Variants in GRID1 observed in about 807,000 individuals in gnomAD.
GRID1 encodes the protein glutamate ionotropic receptor delta type subunit 1.
GRID1 carries 28 observed loss-of-function variants against 98.0 expected under a neutral mutation model. The ratio of observed to expected loss-of-function variants is 0.29; its 90% CI spans 0.21 to 0.39. The LOEUF is 0.39. Among genes scored for constraint, GRID1 ranks in the 10% least tolerant of loss-of-function variants. GRID1 has a pLI of 1.00. For missense variants in GRID1, 1,111 were observed against 1,340.5 expected (o/e 0.83, Z 2.67); for synonymous variants, 553 against 538.5 (o/e 1.03, Z -0.37).
At chr10:86,068,067 C>T (rs1202187089) in intron 4 of GRID1, among the ~76,000 whole-genome samples, 1 of 152,194 alleles carries the variant, frequency 6.6e-6, no homozygotes, top group Non-Finnish European at 1.5e-5. Flanking sequence ...CTGTGTTAGA[C>T]ACTTTCCATT....
intron 4 of GRID1, among the ~76,000 whole-genome samples, chr10:86,012,721 C>CT (rs148607575): frequency 0.055 from 8,317 of 152,072 alleles, 286 homozygotes; most frequent in Middle Eastern, 0.088. Flanking sequence ...CTCCTGAGAG[C>CT]TTTTTTACCC....
intron 4 of GRID1, among the ~76,000 whole-genome samples, chr10:85,981,443 GCTAC>G (rs1842543237): frequency 6.6e-6 from 1 of 152,188 alleles, no homozygotes; most frequent in South Asian, 2.1e-4. Flanking sequence ...CTTCACAAGG[GCTAC>G]AATGCCTACT....
intron 3 of GRID1, among the ~76,000 whole-genome samples, chr10:86,184,893 C>T (rs765744852): frequency 6.6e-6 from 1 of 152,000 alleles, no homozygotes; most frequent in Non-Finnish European, 1.5e-5. Context: ...GTAGTGAAAT[C>T]GAAATTGAAG....
intron 3 of GRID1, among the ~76,000 whole-genome samples, chr10:86,169,798 T>C (rs2131992257): frequency 6.6e-6 from 1 of 152,252 alleles, no homozygotes; most frequent in South Asian, 2.1e-4. Flanking sequence ...CAGGAGGAAC[T>C]CCCCAAAGAT....
intron 12 of GRID1, among the ~76,000 whole-genome samples, chr10:85,660,320 C>T (rs956212854): frequency 6.6e-6 from 1 of 152,194 alleles, no homozygotes; most frequent in Non-Finnish European, 1.5e-5. Flanking sequence ...TCAGGCAAGA[C>T]ACTCAGGATA....
intron 12 of GRID1, among the ~76,000 whole-genome samples, chr10:85,668,168 C>T (rs990907166): frequency 6.6e-6 from 1 of 152,212 alleles, no homozygotes; most frequent in Non-Finnish European, 1.5e-5. Flanking sequence ...CAGGGAGGCT[C>T]GGAGAGGGAT....
chr10:86,225,163 G>A (rs1846320251), intron 2 of GRID1, among the ~76,000 whole-genome samples: 1 of 152,172 alleles, frequency 6.6e-6, no homozygotes, highest in Non-Finnish European at 1.5e-5. Flanking sequence ...GAGGAAGGTA[G>A]GGGCTGACAT....
chr10:85,945,444 GGTACT>G (rs11279752), intron 4 of GRID1, among the ~76,000 whole-genome samples: 90,744 of 151,132 alleles, frequency 0.6, 27,339 homozygotes, highest in Middle Eastern at 0.73. Context: ...GATTTTAATG[GGTACT>G]GTACTGTAGC....
intron 2 of GRID1, among the ~76,000 whole-genome samples, chr10:86,208,291 AAG>A (rs1266944263): frequency 2.0e-5 from 3 of 152,118 alleles, no homozygotes; most frequent in Admixed American, 6.5e-5. Flanking sequence ...GTAGCTAAAC[AAG>A]AGATGATGAG....
intron 12 of GRID1, among the ~76,000 whole-genome samples, chr10:85,717,037 T>C (rs1841647929): frequency 6.6e-6 from 1 of 152,200 alleles, no homozygotes; most frequent in African/African-American, 2.4e-5. Context: ...TCTGGAGATA[T>C]AATGTACAGC....
At chr10:86,277,343 A>C (rs539170305) in intron 2 of GRID1, among the ~76,000 whole-genome samples, 18 of 152,372 alleles carry the variant, frequency 1.2e-4, no homozygotes, top group Non-Finnish European at 2.1e-4. Flanking sequence ...GGAGCCCTTC[A>C]GATTGAAATG....
chr10:86,115,079 G>A (rs1240351768), intron 4 of GRID1, among the ~76,000 whole-genome samples: 17 of 152,132 alleles, frequency 1.1e-4, no homozygotes, highest in Admixed American at 1.1e-3. Flanking sequence ...AAGAGCTCCC[G>A]GGGGCTATGA....
At chr10:85,977,438 T>C (rs2001417) in intron 4 of GRID1, among the ~76,000 whole-genome samples, 19,614 of 151,962 alleles carry the variant, frequency 0.13, 1,398 homozygotes, top group Admixed American at 0.22. Context: ...TTGTAGAAAA[T>C]ACCATGCCAG....
chr10:85,810,953 G>A (rs931862392), intron 8 of GRID1, among the ~76,000 whole-genome samples: 1 of 152,090 alleles, frequency 6.6e-6, no homozygotes, highest in African/African-American at 2.4e-5. Flanking sequence ...TGCACCCAAA[G>A]TCCAAAAAAC....
chr10:85,967,933 A>G (rs1842358674), intron 4 of GRID1, among the ~76,000 whole-genome samples: 1 of 152,180 alleles, frequency 6.6e-6, no homozygotes, highest in Non-Finnish European at 1.5e-5. Flanking sequence ...AGCCAGCAAA[A>G]ATGAAGGAGA....
At chr10:85,869,229 CTGCAAGAGACCT>C (rs1564614130) in intron 5 of GRID1, 49 bp from the exon 6 acceptor site, 2 of 1,529,446 alleles carry the variant, frequency 1.3e-6, no homozygotes, top group Non-Finnish European at 1.8e-6. Context: ...TGAACTATCT[CTGCAAGAGACCT>C]ATCAGGAGGC....
At chr10:85,609,887 C>T (rs1209207105) in intron 15 of GRID1, among the ~76,000 whole-genome samples, 1 of 152,228 alleles carries the variant, frequency 6.6e-6, no homozygotes, top group African/African-American at 2.4e-5. Flanking sequence ...CTCTTTACTG[C>T]ATCCATGGAG....
At chr10:85,651,644 T>A (rs1268099455) in intron 12 of GRID1, among the ~76,000 whole-genome samples, 1 of 152,130 alleles carries the variant, frequency 6.6e-6, no homozygotes, top group East Asian at 1.9e-4. Context: ...TTGTGGGTCG[T>A]CATAGTAACA....
intron 2 of GRID1, among the ~76,000 whole-genome samples, chr10:86,316,108 G>T (rs370861501): frequency 2.0e-5 from 3 of 152,194 alleles, no homozygotes; most frequent in Non-Finnish European, 2.9e-5. Context: ...CAGGGAACTA[G>T]AACTGGTCAC....
Sources: allele counts gnomAD v4.1 joint callset (sites outside exome capture counted in the v4.1 genomes callset), GRCh38; gene constraint gnomAD v4.1.1; transcripts MANE v1.5; gene names NCBI Gene and HGNC (gene_info 2026-07-23, HGNC 2026-07-21).